Variants in NBEA observed in about 807,000 individuals in gnomAD.
NBEA encodes the protein lysosomal-trafficking regulator 2.
In NBEA, 44 loss-of-function variants were observed where a neutral mutation model predicts 343.4. The observed-to-expected ratio is 0.13, with a 90% CI of 0.10 to 0.16. NBEA has a LOEUF of 0.16. Among genes scored for constraint, NBEA ranks in the 10% least tolerant of loss-of-function variants. NBEA has a pLI of 1.00. For missense variants in NBEA, 2,555 were observed against 3,631.3 expected (o/e 0.70, Z 7.62); for synonymous variants, 1,175 against 1,238.7 (o/e 0.95, Z 1.08).
At chr13:35,556,046 G>A (rs981176740) in intron 44 of NBEA, among the ~76,000 whole-genome samples, 2 of 151,434 alleles carry the variant, frequency 1.3e-5, no homozygotes, top group Admixed American at 1.3e-4. Flanking sequence ...TCCACAAAAG[G>A]GAATAAAGCT....
intron 51 of NBEA, among the ~76,000 whole-genome samples, chr13:35,647,896 G>A (rs1593463906): frequency 6.6e-6 from 1 of 151,848 alleles, no homozygotes; most frequent in East Asian, 1.9e-4. Flanking sequence ...TTTTTTTTAA[G>A]ATAGGGTCTC....
At chr13:35,570,030 G>A (rs756431399) in intron 45 of NBEA, among the ~76,000 whole-genome samples, 1 of 152,084 alleles carries the variant, frequency 6.6e-6, no homozygotes, top group East Asian at 1.9e-4. Context: ...TTGTTTGTTT[G>A]TTTGTTTGCT....
chr13:35,422,164 A>G (rs1391078796), intron 38 of NBEA, among the ~76,000 whole-genome samples: 1 of 133,774 alleles, frequency 7.5e-6, no homozygotes, highest in Non-Finnish European at 1.6e-5. Flanking sequence ...TATTATTATT[A>G]TACTTTCAGT....
At chr13:35,552,908 T>C (rs1309182103) in intron 43 of NBEA, among the ~76,000 whole-genome samples, 3 of 152,122 alleles carry the variant, frequency 2.0e-5, no homozygotes, top group Admixed American at 1.3e-4. Flanking sequence ...TTTTTTTCTT[T>C]GAGACAAGGT....
At chr13:35,507,535 A>G (rs992296809) in intron 41 of NBEA, among the ~76,000 whole-genome samples, 1 of 151,982 alleles carries the variant, frequency 6.6e-6, no homozygotes. Flanking sequence ...GCCCTTCCCA[A>G]TTCCCAAAAT....
rs80138226 is a variant in NBEA at position 35,411,451 on chromosome 13, T to C, written c.6180-20818T>C. Among the ~76,000 whole-genome samples the C allele has an allele frequency of 7.3e-3, 1,062 of 145,432 alleles. 27 individuals are homozygous for C. The East Asian group carries it at 0.076, about 10-fold the overall frequency. ...TCTGCAGGCTTCATCTTCAACACTG[T>C]CTTGTCTCTTCTTTTTTTTTTTTGA... On this transcript the variant is annotated intron_variant, in intron 38 of 58. Coordinates refer to ENST00000379939, the MANE Select transcript of NBEA (RefSeq NM_001385012.1).
intron 8 of NBEA, among the ~76,000 whole-genome samples, chr13:35,066,583 A>G (rs1033532424): frequency 2.6e-5 from 4 of 151,546 alleles, no homozygotes; most frequent in South Asian, 2.1e-4. Context: ...TTTAAAGTCT[A>G]TTTTGTCCGA....
At position 35,668,414 on chromosome 13, in the gene NBEA, A is replaced by T; in HGVS notation, c.8708A>T (p.Asp2903Val). 1 of 1,612,426 alleles carries T rather than the reference A, an allele frequency of 6.2e-7. No homozygotes were observed. Among genetic ancestry groups the T allele is most frequent in the Non-Finnish European group, 8.5e-7 (1 of 1,179,294 alleles). Residue 2903 changes from aspartate to valine, a missense_variant, in exon 58 of 59, where the codon GAC becomes GTC. Transcript: ENST00000379939. ...GGCCAGAACCTGGTCACCGGAGGGG[A>T]CAATGGGGTAGTAGAGGTCTGGCAG... ...SDGQNLVTGG[D>V]NGVVEVWQAC...
intron 26 of NBEA, 24 bp downstream of exon 26, chr13:35,171,476 C>T: frequency 1.3e-6 from 2 of 1,576,516 alleles, no homozygotes; most frequent in Admixed American, 1.7e-5. Flanking sequence ...AACAATAGTG[C>T]ATGTCAAATA....
At chr13:35,143,729 TA>T (rs2068225453) in intron 18 of NBEA, among the ~76,000 whole-genome samples, 1 of 152,064 alleles carries the variant, frequency 6.6e-6, no homozygotes, top group Non-Finnish European at 1.5e-5. Flanking sequence ...AATTGTACTA[TA>T]ATTTTGAATT....
chr13:35,564,450 G>A (rs2080034641), intron 44 of NBEA, among the ~76,000 whole-genome samples: 2 of 151,922 alleles, frequency 1.3e-5, no homozygotes, highest in Non-Finnish European at 2.9e-5. Context: ...CCCAGAAATA[G>A]CTCTGTCTAG....
chr13:35,054,136 A>G (rs567810499), intron 6 of NBEA, among the ~76,000 whole-genome samples: 1 of 152,188 alleles, frequency 6.6e-6, no homozygotes, highest in East Asian at 1.9e-4. Flanking sequence ...CTTTTCCTAT[A>G]TGTAGGCATT....
rs1304305593 is a variant in NBEA at position 35,041,282 on chromosome 13, G to GA, written c.526+121dup. 7.0e-6 allele frequency: 6 copies of GA among 860,592 alleles called. No individual in the cohort carries two copies. In the East Asian group the frequency reaches 1.6e-4, roughly 23 times the overall value. The allele number at this position is 860,592 out of a possible 1,614,324, so 53.3% of individuals were successfully genotyped here. A position where few individuals can be genotyped will look rare whatever the true frequency, so the allele number is the denominator to read the frequency against. On this transcript the variant is annotated intron_variant, in intron 2 of 58. Transcript: ENST00000379939. Reference sequence around the variant, plus strand: ...ACATTACTTTGATTTAAAATAAATGGAAATGTGTGGAAATTTTACTTTTTA... The same window carrying GA: ...ACATTACTTTGATTTAAAATAAATGGAAAATGTGTGGAAATTTTACTTTTTA...
At chr13:35,495,421 A>G (rs1056675611) in intron 41 of NBEA, among the ~76,000 whole-genome samples, 5 of 152,068 alleles carry the variant, frequency 3.3e-5, no homozygotes, top group Non-Finnish European at 7.4e-5. Context: ...ATCCAATAAT[A>G]GTTGGAAACT....
chr13:35,087,263 C>T (rs2064823215), intron 10 of NBEA, among the ~76,000 whole-genome samples: 1 of 151,692 alleles, frequency 6.6e-6, no homozygotes, highest in African/African-American at 2.4e-5. Flanking sequence ...ATGGTGAAAA[C>T]ACTTCAAGAT....
At chr13:35,059,579 T>A (rs2063389182) in intron 8 of NBEA, among the ~76,000 whole-genome samples, 1 of 151,870 alleles carries the variant, frequency 6.6e-6, no homozygotes, top group Admixed American at 6.6e-5. Context: ...TCAAAGTGTT[T>A]ATAATTCTGA....
chr13:35,468,970 G>A (rs931665988), intron 40 of NBEA, among the ~76,000 whole-genome samples: 1 of 151,612 alleles, frequency 6.6e-6, no homozygotes, highest in Non-Finnish European at 1.5e-5. Flanking sequence ...ACAGTGGTGC[G>A]TGCCTGTACT....
At chr13:35,480,797 C>T (rs2076094067) in intron 41 of NBEA, among the ~76,000 whole-genome samples, 1 of 151,810 alleles carries the variant, frequency 6.6e-6, no homozygotes, top group Non-Finnish European at 1.5e-5. Context: ...TTATGTGTCA[C>T]ATTAAATAAA....
chr13:35,066,435 CATTTCTTCAGAG>C (rs2063656130), intron 8 of NBEA, among the ~76,000 whole-genome samples: 2 of 152,106 alleles, frequency 1.3e-5, no homozygotes, highest in Non-Finnish European at 2.9e-5. Flanking sequence ...TTTCTCCCTT[CATTTCTTCAGAG>C]ATTTCTTCAT....
Sources: gnomAD v4.1 joint callset for allele counts (sites outside exome capture counted in the v4.1 genomes callset) on GRCh38, gnomAD v4.1.1 for gene constraint, MANE v1.5 for transcripts, NCBI Gene and HGNC (gene_info 2026-07-23, HGNC 2026-07-21) for gene names.